FRMD4A: variants seen among roughly 807,000 people sequenced by gnomAD.
The protein encoded by FRMD4A is FERM domain-containing protein 4A.
A neutral mutation model predicts 129.1 loss-of-function variants in FRMD4A; 29 were observed. The observed-to-expected ratio is 0.22, with a 90% confidence interval of 0.17 to 0.31. The LOEUF (loss-of-function observed/expected upper bound fraction) is 0.31, where lower values mean the gene tolerates loss of function less well. Ranked by LOEUF, FRMD4A falls within the 10% of genes least tolerant of loss-of-function variation. The pLI is 1.00. For synonymous variants in FRMD4A, 634 were observed against 571.6 expected, an observed-to-expected ratio of 1.11 and a Z score of -1.56; for missense variants, 1,272 against 1,375.8, an observed-to-expected ratio of 0.92 and a Z score of 1.19.
At chr10:14,294,824 G>A (rs772389242) in intron 2 of FRMD4A, among the ~76,000 whole-genome samples, 24 of 152,158 alleles carry the variant, frequency 1.6e-4, no homozygotes, top group Non-Finnish European at 3.5e-4. Context: ...AGGTTATGGT[G>A]GGCTCAGGTG....
At chr10:13,772,616 G>T (rs2092489783) in intron 6 of FRMD4A, among the ~76,000 whole-genome samples, 1 of 152,178 alleles carries the variant, frequency 6.6e-6, no homozygotes, top group South Asian at 2.1e-4. Flanking sequence ...GTGAGGTAAA[G>T]CGCCTCAAAT....
chr10:13,689,874 A>C (rs1224666293), intron 15 of FRMD4A, among the ~76,000 whole-genome samples: 1 of 152,098 alleles, frequency 6.6e-6, no homozygotes, highest in African/African-American at 2.4e-5. Context: ...AATATTCCTA[A>C]AACACAGCAC....
At chr10:13,716,398 A>G (rs1462560973) in intron 12 of FRMD4A, among the ~76,000 whole-genome samples, 1 of 152,216 alleles carries the variant, frequency 6.6e-6, no homozygotes, top group Non-Finnish European at 1.5e-5. Context: ...TACCCAAACA[A>G]TGACGGCAGA....
intron 2 of FRMD4A, among the ~76,000 whole-genome samples, chr10:14,045,639 T>G (rs1327546726): frequency 6.8e-6 from 1 of 147,564 alleles, no homozygotes; most frequent in Non-Finnish European, 1.5e-5. Flanking sequence ...ACAATAATTA[T>G]AATCACATTC....
At chr10:13,650,704 T>C (rs1258286619) in intron 24 of FRMD4A, among the ~76,000 whole-genome samples, 1 of 152,188 alleles carries the variant, frequency 6.6e-6, no homozygotes, top group East Asian at 1.9e-4. Context: ...CTTTGCAATA[T>C]TGTCCTAACT....
intron 2 of FRMD4A, among the ~76,000 whole-genome samples, chr10:13,905,167 T>C (rs764653757): frequency 1.9e-4 from 29 of 152,214 alleles, no homozygotes; most frequent in Non-Finnish European, 3.2e-4. Flanking sequence ...GCCCACTTTT[T>C]TGGGGATACC....
chr10:14,206,037 T>C (rs1353103670), intron 2 of FRMD4A, among the ~76,000 whole-genome samples: 1 of 152,174 alleles, frequency 6.6e-6, no homozygotes, highest in African/African-American at 2.4e-5. Flanking sequence ...GGCTCTCTGC[T>C]AGTTTTCCCA....
intron 2 of FRMD4A, among the ~76,000 whole-genome samples, chr10:13,899,899 C>T (rs2131189421): frequency 6.6e-6 from 1 of 152,232 alleles, no homozygotes; most frequent in Admixed American, 6.5e-5. Flanking sequence ...TTGATAGGCT[C>T]CTGTGTCGTT....
intron 2 of FRMD4A, among the ~76,000 whole-genome samples, chr10:13,981,556 T>C (rs1031494626): frequency 6.6e-6 from 1 of 151,436 alleles, no homozygotes; most frequent in Non-Finnish European, 1.5e-5. Context: ...CTGGCCAACG[T>C]GGTGAAACCC....
chr10:14,294,542 G>A (rs1845949078), intron 2 of FRMD4A, among the ~76,000 whole-genome samples: 1 of 152,136 alleles, frequency 6.6e-6, no homozygotes, highest in South Asian at 2.1e-4. Context: ...AGTGTAAACT[G>A]GCCCCCGATT....
At chr10:14,289,550 T>C (rs1845786031) in intron 2 of FRMD4A, among the ~76,000 whole-genome samples, 3 of 152,124 alleles carry the variant, frequency 2.0e-5, no homozygotes, top group Admixed American at 1.3e-4. Context: ...CAGATACATG[T>C]TTTGCAAATT....
chr10:14,149,750 G>A (rs2131853139), intron 2 of FRMD4A, among the ~76,000 whole-genome samples: 1 of 152,280 alleles, frequency 6.6e-6, no homozygotes, highest in East Asian at 1.9e-4. Flanking sequence ...GGTGGGAGAT[G>A]GGCTGTGACT....
chr10:14,270,184 A>G (rs576820984), intron 2 of FRMD4A, among the ~76,000 whole-genome samples: 1 of 152,162 alleles, frequency 6.6e-6, no homozygotes. Flanking sequence ...AGACTGAGTT[A>G]TGTTATGGGT....
intron 2 of FRMD4A, among the ~76,000 whole-genome samples, chr10:13,965,953 T>C (rs1335911404): frequency 2.0e-5 from 3 of 152,236 alleles, no homozygotes; most frequent in Non-Finnish European, 4.4e-5. Context: ...ATGTTTCTAA[T>C]AGTTGTTGGC....
chr10:14,065,374 A>G (rs1271793786), intron 2 of FRMD4A, among the ~76,000 whole-genome samples: 1 of 152,130 alleles, frequency 6.6e-6, no homozygotes, highest in Non-Finnish European at 1.5e-5. Context: ...TAGTAGAGAC[A>G]GGGTTTCACC....
At chr10:14,021,971 C>T (rs565748063) in intron 2 of FRMD4A, among the ~76,000 whole-genome samples, 2 of 151,942 alleles carry the variant, frequency 1.3e-5, no homozygotes, top group South Asian at 2.1e-4. Flanking sequence ...CATTTTATTG[C>T]TCCCAGCAAA....
chr10:14,124,974 A>T (rs1838752121), intron 2 of FRMD4A, among the ~76,000 whole-genome samples: 1 of 152,218 alleles, frequency 6.6e-6, no homozygotes, highest in African/African-American at 2.4e-5. Flanking sequence ...AAGACAGAAG[A>T]TAGTGCTTCC....
At chr10:13,715,460 C>A (rs533706845) in intron 12 of FRMD4A, among the ~76,000 whole-genome samples, 1 of 152,188 alleles carries the variant, frequency 6.6e-6, no homozygotes, top group Non-Finnish European at 1.5e-5. Flanking sequence ...TGCCACTTAC[C>A]GGCTGTGTAT....
chr10:14,199,600 G>T (rs1458702558), intron 2 of FRMD4A, among the ~76,000 whole-genome samples: 2 of 152,174 alleles, frequency 1.3e-5, no homozygotes. Flanking sequence ...ATGTTGGCCA[G>T]GCTGGTCTCA....
Sources: allele counts gnomAD v4.1 joint callset (sites outside exome capture counted in the v4.1 genomes callset), GRCh38; gene constraint gnomAD v4.1.1; transcripts MANE v1.5; gene names NCBI Gene and HGNC (gene_info 2026-07-23, HGNC 2026-07-21).